Variants in MYZAP observed in about 807,000 individuals in gnomAD.
MYZAP encodes the protein GRINL1A complex locus upstream.
In MYZAP, 66 loss-of-function variants were observed where a neutral mutation model predicts 69.4. The observed-to-expected ratio is 0.95, with a 90% confidence interval of 0.78 to 1.17. The LOEUF is 1.17. MYZAP is among the 50% of genes most tolerant of loss of function. MYZAP has a pLI of 0.00. For missense variants in MYZAP, 611 were observed against 556.2 expected, an observed-to-expected ratio of 1.10 and a Z score of -0.99; for synonymous variants, 256 against 205.9, an observed-to-expected ratio of 1.24 and a Z score of -2.09.
chr15:57,659,975 T>C (rs1399042043), intron 10 of MYZAP, among the ~76,000 whole-genome samples: 1 of 152,194 alleles, frequency 6.6e-6, no homozygotes, highest in Admixed American at 6.5e-5. Flanking sequence ...ACATGTGCAT[T>C]CATGTGTCCC....
At chr15:57,647,474 G>C in intron 10 of MYZAP, 2 of 985,400 alleles carry the variant, frequency 2.0e-6, no homozygotes, top group Non-Finnish European at 2.4e-6. Flanking sequence ...TGTTCTAGCA[G>C]CATTGATTCA....
chr15:57,593,145 T>C (rs577961316), intron 1 of MYZAP, among the ~76,000 whole-genome samples: 1 of 139,458 alleles, frequency 7.2e-6, no homozygotes, highest in African/African-American at 2.8e-5. Context: ...CTGGGGTGTG[T>C]GTGTGCGTGC....
Position 57,633,638 on chromosome 15 carries a change from C to T in MYZAP, c.830C>T (p.Ala277Val), listed in dbSNP as rs16977629. The change falls in exon 8 of 13, where the codon GCG becomes GTG. Residue 277 changes from alanine to valine, a missense_variant. Coordinates refer to ENST00000267853, the MANE Select transcript of MYZAP (RefSeq NM_001018100.5). ...GAAGAAACCAATAGTTTTCTGAAAGCGATTGAAGAAGCCAATAAAAAGATG... is the reference window on the plus strand; with the variant it reads ...GAAGAAACCAATAGTTTTCTGAAAGTGATTGAAGAAGCCAATAAAAAGATG... The part of the protein sequence containing the change: ...LLEETNSFLK[A>V]IEEANKKMQA... The T allele has an allele frequency of 0.086, 139,111 of 1,611,826 alleles. 8,936 individuals are homozygous for T. The highest frequency in any genetic ancestry group is 0.35 in the East Asian group (15,558 of 44,746).
intron 2 of MYZAP, among the ~76,000 whole-genome samples, chr15:57,606,304 T>A (rs983837143): frequency 6.6e-6 from 1 of 152,160 alleles, no homozygotes; most frequent in Non-Finnish European, 1.5e-5. Flanking sequence ...ACATCACATA[T>A]GTAATATTCA....
intron 3 of MYZAP, among the ~76,000 whole-genome samples, 178 bp from the exon 4 acceptor site, chr15:57,621,430 T>C (rs368323209): frequency 6.6e-6 from 1 of 152,116 alleles, no homozygotes; most frequent in African/African-American, 2.4e-5. Flanking sequence ...GCCAGGGTGG[T>C]CTCGATCTCC....
At chr15:57,596,068 C>T (rs761259819) in intron 1 of MYZAP, among the ~76,000 whole-genome samples, 1 of 152,176 alleles carries the variant, frequency 6.6e-6, no homozygotes, top group Non-Finnish European at 1.5e-5. Context: ...TTCACATTGC[C>T]TTGTTTGATA....
intron 8 of MYZAP, 113 bp downstream of exon 8, chr15:57,633,854 T>TA (rs150236562): frequency 0.015 from 14,766 of 1,016,870 alleles, no homozygotes; most frequent in Non-Finnish European, 0.015. Context: ...AATTTGCAAT[T>TA]AAAAAAAAAA....
rs150962295 is a variant in MYZAP, at chr15:57,662,846, G to C, written c.1203+1313G>C. On this transcript the variant is annotated intron_variant, in intron 11 of 12. Transcript: ENST00000267853. ...CTGAGCCTTCTTTTACTCTGTTTTT[G>C]AGGGGTTGCCTTACAGCAGTCATAA... Among the ~76,000 whole-genome samples, 1,144 of 152,300 alleles carry C rather than the reference G, an allele frequency of 7.5e-3. 18 individuals carry two copies. Among genetic ancestry groups the C allele is most frequent in the African/African-American group, 0.026 (1,093 of 41,564 alleles).
intron 6 of MYZAP, among the ~76,000 whole-genome samples, chr15:57,632,064 A>G (rs1021520639): frequency 6.6e-6 from 1 of 152,226 alleles, no homozygotes; most frequent in Non-Finnish European, 1.5e-5. Flanking sequence ...GCACAAGGGT[A>G]TGGAAAGGGT....
At chr15:57,592,187 G>A (rs2033717510) in intron 1 of MYZAP, 78 bp downstream of exon 1, 2 of 1,204,678 alleles carry the variant, frequency 1.7e-6, no homozygotes, top group Admixed American at 4.3e-5. Flanking sequence ...CTAGGGATGG[G>A]AAAGCTCGGG....
intron 8 of MYZAP, 65 bp downstream of exon 8, chr15:57,633,806 T>C: frequency 1.4e-6 from 2 of 1,389,050 alleles, no homozygotes; most frequent in Non-Finnish European, 1.9e-6. Flanking sequence ...CCATCTGAGA[T>C]ACGAGAGGCC....
At chr15:57,618,214 C>T (rs755984426) in intron 3 of MYZAP, 26 bp downstream of exon 3, 2 of 1,609,210 alleles carry the variant, frequency 1.2e-6, no homozygotes, top group South Asian at 2.2e-5. Context: ...GTTTTTGCCC[C>T]CCACCTGTAT....
Position 57,633,797 on chromosome 15 carries a change from C to T in MYZAP, c.933+56C>T, listed in dbSNP as rs1267319015. On this transcript the variant is annotated intron_variant, in intron 8 of 12. Transcript: ENST00000267853. ...TTGCCCAAACTTTTCCCTGTAGGTC[C>T]ATCTGAGATACGAGAGGCCCTGGAT... 73 of 1,418,108 alleles carry T rather than the reference C, an allele frequency of 5.1e-5. No individual in the cohort carries two copies. The Middle Eastern group carries it at 5.7e-4, about 11-fold the overall frequency. 87.8% of individuals were successfully genotyped at this position (1,418,108 alleles called of 1,614,324 possible).
At chr15:57,593,173 G>GT (rs2033799189) in intron 1 of MYZAP, among the ~76,000 whole-genome samples, 1 of 49,572 alleles carries the variant, frequency 2.0e-5, no homozygotes, top group Admixed American at 2.7e-4. Flanking sequence ...AGACACTTAG[G>GT]TTGTGTACAC....
At chr15:57,682,010 G>A (rs1262479525) in intron 12 of MYZAP, among the ~76,000 whole-genome samples, 1 of 152,160 alleles carries the variant, frequency 6.6e-6, no homozygotes, top group Admixed American at 6.5e-5. Flanking sequence ...TACACATTTT[G>A]TCATCGTGTT....
At chr15:57,607,358 C>A (rs554610553) in intron 2 of MYZAP, among the ~76,000 whole-genome samples, 2 of 152,240 alleles carry the variant, frequency 1.3e-5, no homozygotes, top group South Asian at 2.1e-4. Flanking sequence ...AAGGAAGGAG[C>A]CTCGTGTGTT....
chr15:57,678,287 G>A (rs965353433), intron 12 of MYZAP, among the ~76,000 whole-genome samples: 4 of 151,996 alleles, frequency 2.6e-5, no homozygotes, highest in African/African-American at 9.7e-5. Context: ...GCTTGAACCC[G>A]GGAGGCAGAG....
At chr15:57,620,763 G>A (rs538353667) in intron 3 of MYZAP, among the ~76,000 whole-genome samples, 3 of 152,242 alleles carry the variant, frequency 2.0e-5, no homozygotes, top group Non-Finnish European at 4.4e-5. Flanking sequence ...GGCCGATAGA[G>A]GGAAAATTAG....
intron 11 of MYZAP, among the ~76,000 whole-genome samples, chr15:57,672,353 G>A (rs562475132): frequency 6.6e-6 from 1 of 152,242 alleles, no homozygotes. Context: ...AATAAAACAC[G>A]GAGAATATAG....
Sources: allele counts gnomAD v4.1 joint callset (sites outside exome capture counted in the v4.1 genomes callset), GRCh38; gene constraint gnomAD v4.1.1; transcripts MANE v1.5; gene names NCBI Gene and HGNC (gene_info 2026-07-23, HGNC 2026-07-21).